ZNF723: variants seen among roughly 807,000 people sequenced by gnomAD.
ZNF723 encodes the protein zinc finger protein 723, pseudogene.
Under a neutral mutation model 9.4 loss-of-function variants are expected in ZNF723, and 5 were observed. The observed-to-expected ratio is 0.53, with a 90% CI of 0.28 to 1.12. The LOEUF is 1.12. Ranked by LOEUF, ZNF723 falls within the 50% of genes most tolerant of loss-of-function variation. ZNF723 has a pLI of 0.10. For synonymous variants in ZNF723, 158 were observed against 168.8 expected (o/e 0.94, Z 0.49); for missense variants, 450 against 501.5 (o/e 0.90, Z 0.98).
chr19:22,830,078 A>G (rs572930032), upstream of ZNF723, among the ~76,000 whole-genome samples: 9 of 152,222 alleles, frequency 5.9e-5, no homozygotes, highest in Non-Finnish European at 1.0e-4. Context: ...AATTATGTCT[A>G]TGATGAAAAA....
intron 3 of ZNF723, among the ~76,000 whole-genome samples, chr19:22,850,140 A>G (rs371746458): frequency 1.7e-4 from 25 of 149,590 alleles, no homozygotes; most frequent in East Asian, 9.8e-4. Flanking sequence ...TGCTTTGGCT[A>G]TTCAAAGTTT....
upstream of ZNF723, among the ~76,000 whole-genome samples, chr19:22,831,112 T>A (rs182776418): frequency 2.2e-4 from 33 of 152,352 alleles, no homozygotes; most frequent in East Asian, 6.2e-3. Flanking sequence ...CAGATGCTTT[T>A]ACAGCTGCTC....
rs188107206 is a variant in ZNF723, at chr19:22,847,227, C to T, written c.4-1034C>T. Among the ~76,000 whole-genome samples the T allele has an allele frequency of 1.5e-3, 225 of 151,334 alleles. 1 individual carries two copies. Among genetic ancestry groups the T allele is most frequent in the Admixed American group, 3.1e-3 (47 of 15,146 alleles). Reference sequence around the variant, plus strand: ...AGTTGCTGGGACTACAGGTGCCCACCGCCATGCCAGACTAATTTTTGTAAA... The same window carrying T: ...AGTTGCTGGGACTACAGGTGCCCACTGCCATGCCAGACTAATTTTTGTAAA... On this transcript the variant is annotated intron_variant, in intron 1 of 3. Coordinates refer to ENST00000600766, the MANE Select transcript of ZNF723 (RefSeq NM_001349726.2).
chr19:22,836,788 A>C (rs892442608), intron 1 of ZNF723, among the ~76,000 whole-genome samples: 1 of 152,208 alleles, frequency 6.6e-6, no homozygotes, highest in Non-Finnish European at 1.5e-5. Context: ...AGGTAAGCAC[A>C]AAAAGGATAG....
At chr19:22,824,846 G>A in the ZNF723 span, among the ~76,000 whole-genome samples, 14 of 152,306 alleles carry the variant, frequency 9.2e-5, no homozygotes, top group Middle Eastern at 3.4e-3. Context: ...ACTGACAGGT[G>A]TAATGATGAC....
intron 1 of ZNF723, among the ~76,000 whole-genome samples, chr19:22,843,504 C>T (rs1468206251): frequency 6.6e-6 from 1 of 152,094 alleles, no homozygotes; most frequent in African/African-American, 2.4e-5. Context: ...AACAAATAAA[C>T]AAATTGCTTT....
chr19:22,827,106 A>T, the ZNF723 span, among the ~76,000 whole-genome samples: 1 of 152,238 alleles, frequency 6.6e-6, no homozygotes, highest in South Asian at 2.1e-4. Flanking sequence ...TTTATCCCCC[A>T]AAATAGGGCT....
the ZNF723 span, among the ~76,000 whole-genome samples, chr19:22,819,557 G>C: frequency 0.37 from 56,965 of 152,160 alleles, 11,187 homozygotes; most frequent in African/African-American, 0.52. Flanking sequence ...TGATGTGACT[G>C]CTCTCATAAC....
chr19:22,818,569 A>G, the ZNF723 span, among the ~76,000 whole-genome samples: 5 of 152,226 alleles, frequency 3.3e-5, no homozygotes, highest in Non-Finnish European at 7.3e-5. Context: ...TCTGACATAC[A>G]GGAGATGTTG....
chr19:22,833,842 G>A (rs1471822718), intron 1 of ZNF723, among the ~76,000 whole-genome samples: 2 of 150,382 alleles, frequency 1.3e-5, no homozygotes, highest in Non-Finnish European at 3.0e-5. Flanking sequence ...CTGACCTCAG[G>A]TGATCCACCC....
chr19:22,832,511 C>T, intron 1 of ZNF723, 129 bp downstream of exon 1: 1 of 1,068,998 alleles, frequency 9.4e-7, no homozygotes, highest in South Asian at 1.3e-5. Context: ...TCTAGCCTGG[C>T]CCGGCCTCAG....
chr19:22,816,030 A>G, the ZNF723 span, among the ~76,000 whole-genome samples: 1 of 152,220 alleles, frequency 6.6e-6, no homozygotes, highest in African/African-American at 2.4e-5. Context: ...AATCTCTTCT[A>G]TCTGGACATA....
intron 1 of ZNF723, among the ~76,000 whole-genome samples, chr19:22,839,408 A>G (rs1339421694): frequency 1.3e-5 from 2 of 149,652 alleles, no homozygotes; most frequent in African/African-American, 4.9e-5. Flanking sequence ...TTACACTCCC[A>G]CCAGCAGCGT....
At position 22,857,359 on chromosome 19, in the gene ZNF723, A is replaced by C. The variant is rs572826803; in HGVS notation, c.468A>C (p.Lys156Asn). Residue 156 changes from lysine to asparagine, a missense_variant, in exon 4 of 4, where the codon AAA becomes AAC. Coordinates refer to ENST00000600766, the MANE Select transcript of ZNF723 (RefSeq NM_001349726.2). ...QCDKYVKVFH[K>N]FSSSNSQKIR... ...ATAAATATGTAAAAGTCTTTCATAA[A>C]TTTTCAAGTTCAAATAGCCAGAAGA... is the stretch of plus-strand genomic sequence containing the variant. 7 of 831,762 alleles carry C rather than the reference A, an allele frequency of 8.4e-6. No homozygotes were observed. The Admixed American group carries it at 1.3e-4, about 15-fold the overall frequency. 51.5% of individuals were successfully genotyped at this position (831,762 alleles called of 1,614,324 possible). A position where few individuals can be genotyped will look rare whatever the true frequency, so the allele number is the denominator to read the frequency against.
intron 3 of ZNF723, among the ~76,000 whole-genome samples, chr19:22,856,147 G>A (rs1268031893): frequency 1.3e-5 from 2 of 152,092 alleles, no homozygotes. Context: ...TTTTAGTAGA[G>A]ATGAGGTTTC....
the ZNF723 span, among the ~76,000 whole-genome samples, chr19:22,819,307 G>C: frequency 1.3e-3 from 199 of 152,296 alleles, no homozygotes; most frequent in Non-Finnish European, 2.2e-3. Context: ...GAGAGATTGT[G>C]ATATATCTCC....
At chr19:22,856,361 AG>A (rs1416743890) in intron 3 of ZNF723, among the ~76,000 whole-genome samples, 3 of 151,962 alleles carry the variant, frequency 2.0e-5, no homozygotes, top group Admixed American at 2.0e-4. Context: ...GTTTTTCTGT[AG>A]TTGTCTGTGT....
chr19:22,858,040 C>T lies in ZNF723; in HGVS notation c.1149C>T (p.His383=), dbSNP rs1967507667. Residue 383 remains histidine (H), a synonymous_variant, in exon 4 of 4, where the codon CAC becomes CAT. Coordinates refer to ENST00000600766, the MANE Select transcript of ZNF723 (RefSeq NM_001349726.2). The stretch of plus-strand genomic sequence containing the variant: ...GCAAAGCTTTTAAAGTATCTGTACA[C>T]CTTACTACACATAAGAGAATTCATA... The part of the protein sequence containing the change: ...ECGKAFKVSV[H]LTTHKRIHTG... 2.0e-6 allele frequency: 3 copies of T among 1,524,608 alleles called. No individual in the cohort carries two copies. In the South Asian group the frequency reaches 3.4e-5, roughly 17 times the overall value. The allele number at this position is 1,524,608 out of a possible 1,614,324, so 94.4% of individuals were successfully genotyped here.
Position 22,857,414 on chromosome 19 carries a change from T to G in ZNF723, c.523T>G (p.Cys175Gly), listed in dbSNP as rs576996679. The G allele has an allele frequency of 1.1e-4, 100 of 885,954 alleles. No homozygotes were observed. In the East Asian group the frequency reaches 2.3e-3, roughly 20 times the overall value. 54.9% of individuals were successfully genotyped at this position (885,954 alleles called of 1,614,324 possible). Residue 175 changes from cysteine (C) to glycine (G), a missense_variant, in exon 4 of 4, where the codon TGT becomes GGT. Around this residue, in one of 5 missense-constraint regions of ZNF723, gnomAD observed 143 missense variants for 101.3 expected, o/e 1.41. Transcript: ENST00000600766. The stretch of plus-strand genomic sequence containing the variant: ...ACATACTGGAAATAATTCTTTCAAA[T>G]GTAAAGAATGTGGCAAATCATTTTG... Reference protein sequence around the residue: ...IRHTGNNSFKCKECGKSFCML... With the variant: ...IRHTGNNSFKGKECGKSFCML...
Sources: allele counts gnomAD v4.1 joint callset (sites outside exome capture counted in the v4.1 genomes callset), GRCh38; gene constraint gnomAD v4.1.1; regional missense constraint gnomAD v4.1.1; transcripts MANE v1.5; gene names NCBI Gene and HGNC (gene_info 2026-07-23, HGNC 2026-07-21).